KITLG: variants seen among roughly 807,000 people sequenced by gnomAD.
The protein encoded by KITLG is KIT ligand.
In KITLG, 13 loss-of-function variants were observed where a neutral mutation model predicts 34.1. That is an observed-to-expected ratio of 0.38 (90% CI 0.25 to 0.61). The LOEUF is 0.61. Among genes scored for constraint, KITLG ranks in the 20% least tolerant of loss-of-function variants. The pLI is 0.60. For synonymous variants in KITLG, 110 were observed against 104.0 expected (o/e 1.06, Z -0.35); for missense variants, 292 against 318.9 (o/e 0.92, Z 0.64).
intron 2 of KITLG, among the ~76,000 whole-genome samples, chr12:88,532,970 A>G (rs111456211): frequency 6.6e-6 from 1 of 152,184 alleles, no homozygotes; most frequent in Admixed American, 6.6e-5. Flanking sequence ...AGAGCTACTG[A>G]ATCTTACTTA....
chr12:88,519,121 C>A lies in KITLG; in HGVS notation c.193-254G>T, dbSNP rs184768135. Among the ~76,000 whole-genome samples, 6 of 152,158 alleles carry A rather than the reference C, an allele frequency of 3.9e-5. No individual in the cohort carries two copies. In the East Asian group the frequency reaches 1.2e-3, roughly 30 times the overall value. On this transcript the variant is annotated intron_variant, in intron 3 of 9. Coordinates refer to ENST00000644744, the MANE Select transcript of KITLG (RefSeq NM_000899.5). ...AAATGATCCACCCGTCTCAGCTTCC[C>A]AATGTGCTGGGATTACAAGCATGAA...
At position 88,552,088 on chromosome 12, in the gene KITLG, C is replaced by A. The variant is rs553536219; in HGVS notation, c.16-6223G>T. 2.3e-4 allele frequency among the ~76,000 whole-genome samples: 35 copies of A among 152,130 alleles called. 1 individual carries two copies. Among genetic ancestry groups the A allele is most frequent in the African/African-American group, 8.2e-4 (34 of 41,526 alleles). ...AAAAGAGAAAGAAATAGATTCTCCC[C>A]TAGAGCCTTTGGAAAGCAACATAGT... is the stretch of plus-strand genomic sequence containing the variant. On this transcript the variant is annotated intron_variant, in intron 1 of 9. Transcript: ENST00000644744.
intron 3 of KITLG, 67 bp downstream of exon 3, chr12:88,532,374 T>G: frequency 8.8e-7 from 1 of 1,133,276 alleles, no homozygotes. Flanking sequence ...GTGTACTATC[T>G]CAATATGAAT....
At chr12:88,531,976 A>G (rs1392339503) in intron 3 of KITLG, among the ~76,000 whole-genome samples, 2 of 152,156 alleles carry the variant, frequency 1.3e-5, no homozygotes, top group Non-Finnish European at 2.9e-5. Context: ...ATTTAGTTCC[A>G]AATTCCTGGA....
chr12:88,563,367 T>C (rs1352751885), intron 1 of KITLG, among the ~76,000 whole-genome samples: 1 of 152,218 alleles, frequency 6.6e-6, no homozygotes, highest in African/African-American at 2.4e-5. Context: ...ATTCCTACTT[T>C]GACCAAAACA....
chr12:88,577,839 T>G (rs1871881564), intron 1 of KITLG, among the ~76,000 whole-genome samples: 1 of 152,228 alleles, frequency 6.6e-6, no homozygotes, highest in Admixed American at 6.5e-5. Context: ...GGAGTCCCCA[T>G]GATTCTTGGA....
chr12:88,498,759 C>A (rs1175551194), intron 9 of KITLG, among the ~76,000 whole-genome samples: 2 of 152,056 alleles, frequency 1.3e-5, no homozygotes, highest in Non-Finnish European at 2.9e-5. Context: ...TCTGTAGTCC[C>A]AGCTACTCTG....
intron 6 of KITLG, among the ~76,000 whole-genome samples, chr12:88,514,482 A>G (rs1869387939): frequency 6.6e-6 from 1 of 151,662 alleles, no homozygotes; most frequent in Non-Finnish European, 1.5e-5. Flanking sequence ...ATGCTACGTA[A>G]TTTAGAATTT....
chr12:88,557,979 C>G (rs1455770227), intron 1 of KITLG, among the ~76,000 whole-genome samples: 1 of 152,090 alleles, frequency 6.6e-6, no homozygotes, highest in Non-Finnish European at 1.5e-5. Flanking sequence ...ACGTGACTTG[C>G]TTCTGAAAGT....
intron 6 of KITLG, among the ~76,000 whole-genome samples, chr12:88,510,443 G>T (rs1020807575): frequency 6.6e-6 from 1 of 152,114 alleles, no homozygotes; most frequent in African/African-American, 2.4e-5. Context: ...CTCTGTGAAG[G>T]AGGTATTATG....
intron 4 of KITLG, among the ~76,000 whole-genome samples, chr12:88,517,044 C>T (rs1592842666): frequency 7.8e-6 from 1 of 128,992 alleles, no homozygotes; most frequent in African/African-American, 2.7e-5. Context: ...CCTACTGAAA[C>T]TATTGCACAT....
intron 1 of KITLG, among the ~76,000 whole-genome samples, chr12:88,558,785 A>C (rs1871187437): frequency 6.6e-6 from 1 of 152,212 alleles, no homozygotes; most frequent in Admixed American, 6.5e-5. Context: ...GGTACTCTAT[A>C]AAGTCTGAGA....
Position 88,515,599 on chromosome 12 carries a change from G to A in KITLG, c.539C>T (p.Thr180Ile). ...SPEKDSRVSV[T>I]KPFMLPPVAA... The stretch of plus-strand genomic sequence containing the variant: ...AACAGGGGGTAACATAAATGGTTTT[G>A]TGACACTGACTCTGGAATCTAAATA... Residue 180 changes from threonine (T) to isoleucine (I), a missense_variant, in exon 6 of 10, where the codon ACA becomes ATA. Thr to Ile is a moderately conservative substitution (Grantham distance 89). Around this residue, in one of 2 missense-constraint regions of KITLG, gnomAD observed 140 missense variants for 111.0 expected, o/e 1.26. Transcript: ENST00000644744. 6.2e-7 allele frequency: 1 copy of A among 1,610,146 alleles called. No individual in the cohort carries two copies. The highest frequency in any genetic ancestry group is 8.5e-7 in the Non-Finnish European group (1 of 1,176,944).
intron 3 of KITLG, among the ~76,000 whole-genome samples, chr12:88,531,836 A>C (rs1479160446): frequency 6.6e-6 from 1 of 152,144 alleles, no homozygotes; most frequent in Non-Finnish European, 1.5e-5. Context: ...AACCAACCAA[A>C]GATGGAAAAT....
intron 1 of KITLG, among the ~76,000 whole-genome samples, chr12:88,548,379 G>A (rs11104945): frequency 0.66 from 99,704 of 151,510 alleles, 36,519 homozygotes; most frequent in Middle Eastern, 0.85. Context: ...GTTTGAACCC[G>A]TGAGGCGGAG....
chr12:88,510,666 C>A (rs1427160397), intron 6 of KITLG, among the ~76,000 whole-genome samples: 72 of 152,154 alleles, frequency 4.7e-4, no homozygotes, highest in Admixed American at 4.5e-3. Context: ...TACTGTTATG[C>A]TATAAACATA....
intron 6 of KITLG, among the ~76,000 whole-genome samples, chr12:88,507,630 T>C (rs1869111841): frequency 6.6e-6 from 1 of 152,172 alleles, no homozygotes; most frequent in Non-Finnish European, 1.5e-5. Context: ...ATAGTATTTT[T>C]AGGTATCTCA....
chr12:88,519,352 C>T (rs1008686867), intron 3 of KITLG, among the ~76,000 whole-genome samples: 1 of 152,050 alleles, frequency 6.6e-6, no homozygotes, highest in Admixed American at 6.6e-5. Context: ...GTTATCTTTT[C>T]TCTTATAAAG....
intron 3 of KITLG, among the ~76,000 whole-genome samples, chr12:88,528,455 A>G (rs914588775): frequency 7.9e-5 from 12 of 152,238 alleles, no homozygotes; most frequent in African/African-American, 2.2e-4. Flanking sequence ...GAAAATTCCA[A>G]TCCTAGATAG....
Sources: gnomAD v4.1 joint callset for allele counts (sites outside exome capture counted in the v4.1 genomes callset) on GRCh38, gnomAD v4.1.1 for gene constraint, gnomAD v4.1.1 regional missense constraint, MANE v1.5 for transcripts, NCBI Gene and HGNC (gene_info 2026-07-23, HGNC 2026-07-21) for gene names.